NUDT13: variants seen among roughly 807,000 people sequenced by gnomAD.
The protein encoded by NUDT13 is NAD(P)H pyrophosphatase NUDT13, mitochondrial.
In NUDT13, 40 loss-of-function variants were observed where a neutral mutation model predicts 41.7. The ratio of observed to expected loss-of-function variants is 0.96; its 90% CI spans 0.75 to 1.25. The LOEUF (loss-of-function observed/expected upper bound fraction) is 1.25, where lower values mean the gene tolerates loss of function less well. Among genes scored for constraint, NUDT13 ranks in the 50% most tolerant of loss-of-function variants. The pLI is 0.00. For missense variants in NUDT13, 390 were observed against 416.1 expected (o/e 0.94, Z 0.55); for synonymous variants, 145 against 155.5 (o/e 0.93, Z 0.50).
intron 4 of NUDT13, among the ~76,000 whole-genome samples, 163 bp from the exon 5 acceptor site, chr10:73,124,051 C>A (rs1842712966): frequency 6.6e-6 from 1 of 152,090 alleles, no homozygotes; most frequent in African/African-American, 2.4e-5. Flanking sequence ...ATCCTCCTGC[C>A]TCAGTCTCCT....
intron 8 of NUDT13, among the ~76,000 whole-genome samples, chr10:73,127,932 T>G (rs1343540226): frequency 6.6e-6 from 1 of 151,712 alleles, no homozygotes; most frequent in African/African-American, 2.4e-5. Flanking sequence ...ATGCAACTTT[T>G]TCCATTTTCC....
Position 73,120,175 on chromosome 10 carries a change from CA to C in NUDT13, c.223+19del. On this transcript the variant is annotated intron_variant, in intron 3 of 8. Coordinates refer to ENST00000357321, the MANE Select transcript of NUDT13 (RefSeq NM_015901.6). Reference sequence around the variant, plus strand: ...CCTGTTAGGTAAGTCCAGAGTGGACCAGTGGCGTTGACCAGCCTGTGGCCAC... The same window carrying C: ...CCTGTTAGGTAAGTCCAGAGTGGACCGTGGCGTTGACCAGCCTGTGGCCAC... 1.9e-6 allele frequency: 3 copies of C among 1,610,908 alleles called. No homozygotes were observed. Among genetic ancestry groups the C allele is most frequent in the Non-Finnish European group, 2.5e-6 (3 of 1,178,128 alleles).
intron 2 of NUDT13, 43 bp from the exon 3 acceptor site, chr10:73,119,975 C>A: frequency 1.2e-6 from 2 of 1,602,490 alleles, no homozygotes; most frequent in Non-Finnish European, 1.7e-6. Context: ...ATACAGGTAA[C>A]TAAGGGTGGT....
At chr10:73,121,134 G>A (rs193169954) in intron 3 of NUDT13, among the ~76,000 whole-genome samples, 1 of 152,214 alleles carries the variant, frequency 6.6e-6, no homozygotes, top group East Asian at 1.9e-4. Context: ...AGCACTTTGG[G>A]AGGCTGAGGT....
At chr10:73,116,354 G>A (rs918149044) in intron 2 of NUDT13, among the ~76,000 whole-genome samples, 7 of 151,870 alleles carry the variant, frequency 4.6e-5, no homozygotes, top group Non-Finnish European at 8.8e-5. Flanking sequence ...AATACCCCTG[G>A]GGCACCATGT....
At position 73,120,167 on chromosome 10, in the gene NUDT13, G is replaced by C; in HGVS notation, c.223+10G>C. ...CGGCACAGCCTGTTAGGTAAGTCCAGAGTGGACCAGTGGCGTTGACCAGCC... is the reference window on the plus strand; with the variant it reads ...CGGCACAGCCTGTTAGGTAAGTCCACAGTGGACCAGTGGCGTTGACCAGCC... On this transcript the variant is annotated intron_variant, in intron 3 of 8. Coordinates refer to ENST00000357321, the MANE Select transcript of NUDT13 (RefSeq NM_015901.6). 1.4e-5 allele frequency: 23 copies of C among 1,613,352 alleles called. No individual in the cohort carries two copies. The highest frequency in any genetic ancestry group is 1.9e-5 in the Non-Finnish European group (22 of 1,179,584).
chr10:73,114,445 C>T lies in NUDT13; in HGVS notation c.80C>T (p.Thr27Ile). 1 of 1,566,604 alleles carries T rather than the reference C, an allele frequency of 6.4e-7. No homozygotes were observed. Residue 27 changes from threonine (T) to isoleucine (I), a missense_variant, in exon 2 of 9, where the codon ACA becomes ATA. Physicochemically the swap from Thr to Ile is moderately conservative, Grantham distance 89. Coordinates refer to ENST00000357321, the MANE Select transcript of NUDT13 (RefSeq NM_015901.6). ...YRLLSTYVTK[T>I]RYLFELKEDD... is the part of the protein sequence containing the mutation. ...CTGCTGTCAACCTATGTTACTAAGA[C>T]ACGGTGAGTTTTAGCCAACCTGAGC...
intron 2 of NUDT13, among the ~76,000 whole-genome samples, chr10:73,116,292 A>C (rs968484932): frequency 6.6e-6 from 1 of 152,060 alleles, no homozygotes; most frequent in African/African-American, 2.4e-5. Flanking sequence ...TATAGGCATG[A>C]GCCACCATGC....
At chr10:73,120,204 C>A (rs772336449) in intron 3 of NUDT13, 47 bp downstream of exon 3, 1 of 1,576,610 alleles carries the variant, frequency 6.3e-7, no homozygotes, top group South Asian at 1.1e-5. Flanking sequence ...GTGGCCACTA[C>A]GCAGAATTCA....
chr10:73,120,486 C>CT (rs1842617027), intron 3 of NUDT13, among the ~76,000 whole-genome samples: 1 of 152,142 alleles, frequency 6.6e-6, no homozygotes, highest in South Asian at 2.1e-4. Context: ...GACATATTGT[C>CT]TATGGCTACT....
intron 4 of NUDT13, 109 bp from the exon 5 acceptor site, chr10:73,124,105 A>G: frequency 1.4e-6 from 1 of 726,820 alleles, no homozygotes; most frequent in Non-Finnish European, 2.4e-6. Context: ...ACCTAGCTGA[A>G]TCTTACGAGG....
chr10:73,117,538 C>T (rs1029263867), intron 2 of NUDT13, among the ~76,000 whole-genome samples: 3 of 99,346 alleles, frequency 3.0e-5, no homozygotes, highest in Non-Finnish European at 4.1e-5. Flanking sequence ...GCCTGGAAAA[C>T]AAGAGTGAAA....
At chr10:73,116,588 A>G (rs955723817) in intron 2 of NUDT13, among the ~76,000 whole-genome samples, 1 of 151,994 alleles carries the variant, frequency 6.6e-6, no homozygotes, top group Non-Finnish European at 1.5e-5. Context: ...CTAAAAATAC[A>G]AAAATTAGCC....
At chr10:73,119,148 C>T (rs766316012) in intron 2 of NUDT13, among the ~76,000 whole-genome samples, 1 of 151,664 alleles carries the variant, frequency 6.6e-6, no homozygotes. Flanking sequence ...CAGGTTCAAG[C>T]GATTCTTCGG....
At chr10:73,113,607 T>A (rs1258059631) in intron 1 of NUDT13, among the ~76,000 whole-genome samples, 1 of 152,340 alleles carries the variant, frequency 6.6e-6, no homozygotes, top group East Asian at 1.9e-4. Flanking sequence ...ATTTTTGTGT[T>A]CTTTAAGGGA....
chr10:73,122,408 A>T, intron 4 of NUDT13, 99 bp downstream of exon 4: 1 of 1,166,710 alleles, frequency 8.6e-7, no homozygotes, highest in South Asian at 1.5e-5. Context: ...GGAATACAAA[A>T]GGTTATCAAC....
At position 73,125,116 on chromosome 10, in the gene NUDT13, A is replaced by T. The variant is rs200770470; in HGVS notation, c.466-2A>T. The stretch of plus-strand genomic sequence containing the variant: ...ACACCAGGCCCATCATTGTGTTCCT[A>T]GGCTCAAGCTCTTCTCCGCTGGCAT... On this transcript the variant is annotated splice_acceptor_variant, in intron 5 of 8. Coordinates refer to ENST00000357321, the MANE Select transcript of NUDT13 (RefSeq NM_015901.6). LOFTEE classifies it high-confidence loss of function. 2 of 1,605,746 alleles carry T rather than the reference A, an allele frequency of 1.2e-6. No individual in the cohort carries two copies. Among genetic ancestry groups the T allele is most frequent in the African/African-American group, 2.7e-5 (2 of 74,168 alleles).
intron 7 of NUDT13, among the ~76,000 whole-genome samples, chr10:73,126,379 C>T (rs1262960256): frequency 1.3e-5 from 2 of 152,034 alleles, no homozygotes; most frequent in African/African-American, 2.4e-5. Context: ...GTTTTTTTCT[C>T]TAGTCTATTG....
intron 3 of NUDT13, among the ~76,000 whole-genome samples, chr10:73,120,664 C>A (rs12250423): frequency 6.6e-6 from 1 of 152,072 alleles, no homozygotes; most frequent in Non-Finnish European, 1.5e-5. Context: ...CATGGCCAGG[C>A]GCGGTGGCTC....
Sources: gnomAD v4.1 joint callset for allele counts (sites outside exome capture counted in the v4.1 genomes callset) on GRCh38, gnomAD v4.1.1 for gene constraint, MANE v1.5 for transcripts, NCBI Gene and HGNC (gene_info 2026-07-23, HGNC 2026-07-21) for gene names.